The following DLGAP5 variants were observed in gnomAD, a reference collection of about 807,000 sequenced individuals.
DLGAP5 encodes DLG associated protein 5, also known as disks large-associated protein 5.
Under a neutral mutation model 99.6 loss-of-function variants are expected in DLGAP5, and 90 were observed. That is an observed-to-expected ratio of 0.90 (90% CI 0.76 to 1.08). DLGAP5 has a LOEUF of 1.08. Among genes scored for constraint, DLGAP5 ranks in the 50% least tolerant of loss-of-function variants. The pLI is 0.00. For missense variants in DLGAP5, 1,036 were observed against 983.5 expected (o/e 1.05, Z -0.71); for synonymous variants, 311 against 321.3 (o/e 0.97, Z 0.34).
intron 7 of DLGAP5, 102 bp downstream of exon 7, chr14:55,179,527 G>A (rs754459217): frequency 7.8e-5 from 74 of 946,014 alleles, no homozygotes; most frequent in Non-Finnish European, 1.2e-4. Context: ...CACACATGTA[G>A]GTTAACCTTT....
At chr14:55,163,168 G>A (rs1263299916) in intron 12 of DLGAP5, 93 bp from the exon 13 acceptor site, 2 of 633,684 alleles carry the variant, frequency 3.2e-6, no homozygotes, top group African/African-American at 1.9e-5. Context: ...TAAAAATAGT[G>A]ATTCAGAAAT....
intron 14 of DLGAP5, among the ~76,000 whole-genome samples, chr14:55,156,772 C>T (rs1425264875): frequency 1.3e-5 from 2 of 152,086 alleles, no homozygotes; most frequent in Admixed American, 6.6e-5. Flanking sequence ...ATGAAGAAAA[C>T]ATAAAAGCTA....
rs1732532210 is a variant in DLGAP5 at position 55,173,269 on chromosome 14, C to G, written c.1301+2077G>C. The stretch of plus-strand genomic sequence containing the variant: ...GGGCAATATCATAAGACCCCCGTCT[C>G]TACAAAAAAAAAAAAAAACAAAAAA... On this transcript the variant is annotated intron_variant, in intron 10 of 18. Coordinates refer to ENST00000247191, the MANE Select transcript of DLGAP5 (RefSeq NM_014750.5). Among the ~76,000 whole-genome samples, 4 of 53,394 alleles carry G rather than the reference C, an allele frequency of 7.5e-5. No individual in the cohort carries two copies. The South Asian group carries it at 2.4e-3, about 32-fold the overall frequency. The allele number at this position is 53,394 out of a possible 152,430, so 35.0% of individuals were successfully genotyped here. A position where few individuals can be genotyped will look rare whatever the true frequency, so the allele number is the denominator to read the frequency against.
chr14:55,180,585 TTGAAACGGA>T, intron 6 of DLGAP5, 62 bp downstream of exon 6: 1 of 1,590,350 alleles, frequency 6.3e-7, no homozygotes, highest in Non-Finnish European at 8.6e-7. Flanking sequence ...TTGTTGATTT[TTGAAACGGA>T]ACACAAAAAC....
chr14:55,171,381 T>C (rs943535223), intron 10 of DLGAP5, among the ~76,000 whole-genome samples: 1 of 152,178 alleles, frequency 6.6e-6, no homozygotes, highest in Non-Finnish European at 1.5e-5. Context: ...GTATAGGATA[T>C]ATACCCACAA....
In DLGAP5 at chr14:55,189,116, T is replaced by A. The variant is rs1241586771; in HGVS notation, c.64A>T (p.Lys22Ter). 1.9e-6 allele frequency: 3 copies of A among 1,613,924 alleles called. No individual in the cohort carries two copies. The highest frequency in any genetic ancestry group is 2.5e-6 in the Non-Finnish European group (3 of 1,179,994). Reference protein sequence around the residue: ...KDISTEMIRTKIAHRKSLSQK... With the variant: ...KDISTEMIRT ...GACAGTGATTTCCTATGAGCAATTTTAGTTCTAATCATTTCAGTACTTATA... is the reference window on the plus strand; with the variant it reads ...GACAGTGATTTCCTATGAGCAATTTAAGTTCTAATCATTTCAGTACTTATA... The change falls in exon 2 of 19, where the codon AAA (lysine) becomes TAA (stop). Residue 22 changes from lysine to a stop codon, truncating the protein, a stop_gained. Coordinates refer to ENST00000247191, the MANE Select transcript of DLGAP5 (RefSeq NM_014750.5). LOFTEE classifies it high-confidence loss of function.
intron 12 of DLGAP5, among the ~76,000 whole-genome samples, chr14:55,168,066 C>G (rs1882708688): frequency 6.6e-6 from 1 of 152,006 alleles, no homozygotes; most frequent in African/African-American, 2.4e-5. Flanking sequence ...ATTTTCTTAT[C>G]TAATCTCTTC....
At chr14:55,180,297 A>T (rs925573279) in intron 6 of DLGAP5, among the ~76,000 whole-genome samples, 18 of 152,212 alleles carry the variant, frequency 1.2e-4, no homozygotes, top group African/African-American at 4.3e-4. Flanking sequence ...CCTACTGTTC[A>T]GAGTTTGACC....
chr14:55,184,567 G>T (rs539053260), intron 2 of DLGAP5, among the ~76,000 whole-genome samples: 1 of 152,182 alleles, frequency 6.6e-6, no homozygotes, highest in African/African-American at 2.4e-5. Flanking sequence ...GTGTGACCAA[G>T]AGAGTATTAC....
chr14:55,175,103 G>T (rs1883012009), intron 10 of DLGAP5, among the ~76,000 whole-genome samples: 1 of 152,134 alleles, frequency 6.6e-6, no homozygotes, highest in Non-Finnish European at 1.5e-5. Context: ...CTTCATGAAA[G>T]GTTCAAACTA....
intron 10 of DLGAP5, among the ~76,000 whole-genome samples, chr14:55,175,045 T>G (rs1273921647): frequency 6.6e-6 from 1 of 152,214 alleles, no homozygotes; most frequent in Non-Finnish European, 1.5e-5. Flanking sequence ...TGTCTACATA[T>G]GCATGAACTA....
chr14:55,180,507 T>C, intron 6 of DLGAP5, 149 bp downstream of exon 6: 1 of 1,107,150 alleles, frequency 9.0e-7, no homozygotes, highest in Non-Finnish European at 1.3e-6. Context: ...TAACCAGATG[T>C]CAGGGCACAG....
At chr14:55,164,748 C>G (rs956743273) in intron 12 of DLGAP5, among the ~76,000 whole-genome samples, 2 of 151,886 alleles carry the variant, frequency 1.3e-5, no homozygotes, top group African/African-American at 4.8e-5. Flanking sequence ...GTAGTGAAAC[C>G]TCATCTCTAC....
In DLGAP5 at chr14:55,177,188, G is replaced by T; in HGVS notation, c.923C>A (p.Ala308Glu). The T allele has an allele frequency of 6.2e-7, 1 of 1,613,606 alleles. No individual in the cohort carries two copies. Among genetic ancestry groups the T allele is most frequent in the East Asian group, 2.2e-5 (1 of 44,850 alleles). The change falls in exon 8 of 19, where the codon GCA becomes GAA. Residue 308 changes from alanine to glutamate, a missense_variant. Transcript: ENST00000247191. ...TGGCTGAAACATAAAATCCTTAGGT[G>T]CAAAGGAATTCTTCCCTTTTATTTT... Reference protein sequence around the residue: ...TAKIKGKNSFAPKDFMFQPLD... With the variant: ...TAKIKGKNSFEPKDFMFQPLD...
chr14:55,158,391 T>C (rs2140308259), intron 14 of DLGAP5, 131 bp downstream of exon 14: 1 of 727,206 alleles, frequency 1.4e-6, no homozygotes, highest in Non-Finnish European at 2.2e-6. Flanking sequence ...TTTCTAAAAA[T>C]CACAGAAAAA....
At chr14:55,161,858 G>C (rs899261357) in intron 13 of DLGAP5, among the ~76,000 whole-genome samples, 16 of 47,122 alleles carry the variant, frequency 3.4e-4, no homozygotes, top group Non-Finnish European at 3.8e-4. Context: ...TGGGCAAAAA[G>C]AGCCAAACTC....
chr14:55,180,607 C>G (rs969777789), intron 6 of DLGAP5, 49 bp downstream of exon 6: 8 of 1,604,852 alleles, frequency 5.0e-6, no homozygotes, highest in Non-Finnish European at 6.8e-6. Flanking sequence ...ACAAAAACCT[C>G]AAGGACCAAA....
chr14:55,178,080 G>A (rs943941067), intron 7 of DLGAP5, among the ~76,000 whole-genome samples: 2 of 148,418 alleles, frequency 1.3e-5, no homozygotes, highest in South Asian at 2.1e-4. Context: ...GCAAAACCCC[G>A]TCTTTGCTAA....
Position 55,162,618 on chromosome 14 carries a change from C to CAAAA in DLGAP5, c.1653+349_1653+352dup, listed in dbSNP as rs368322756. On this transcript the variant is annotated intron_variant, in intron 13 of 18. Transcript: ENST00000247191. ...TTGGTGATAGAGCGGGATTCCATCTCAAAAAAAAAAAAAGAAGAAGAAGAA... is the reference window on the plus strand; with the variant it reads ...TTGGTGATAGAGCGGGATTCCATCTCAAAAAAAAAAAAAAAAAGAAGAAGAAGAA... Among the ~76,000 whole-genome samples, 44 of 139,006 alleles carry CAAAA rather than the reference C, an allele frequency of 3.2e-4. No homozygotes were observed. In the East Asian group the frequency reaches 7.1e-3, roughly 22 times the overall value. The allele number at this position is 139,006 out of a possible 152,430, so 91.2% of individuals were successfully genotyped here.
Sources: gnomAD v4.1 joint callset for allele counts (sites outside exome capture counted in the v4.1 genomes callset) on GRCh38, gnomAD v4.1.1 for gene constraint, MANE v1.5 for transcripts, NCBI Gene and HGNC (gene_info 2026-07-23, HGNC 2026-07-21) for gene names.